The following KIFC3 variants were observed in gnomAD, a reference collection of about 807,000 sequenced individuals.
The protein encoded by KIFC3 is kinesin-like protein KIFC3.
A neutral mutation model predicts 101.8 loss-of-function variants in KIFC3; 60 were observed. That is an observed-to-expected ratio of 0.59 (90% CI 0.48 to 0.73). KIFC3 has a LOEUF of 0.73. Ranked by LOEUF, KIFC3 falls within the 30% of genes least tolerant of loss-of-function variation. The probability of loss-of-function intolerance (pLI) is 0.00; values close to 1 mark genes in which losing one functional copy is unlikely to be tolerated. For synonymous variants in KIFC3, 476 were observed against 482.7 expected (o/e 0.99, Z 0.18); for missense variants, 966 against 1,137.1 (o/e 0.85, Z 2.16).
chr16:57,802,114 C>A lies in KIFC3; in HGVS notation c.-40+256G>T, dbSNP rs1021356046. On this transcript the variant is annotated intron_variant, in intron 1 of 19. Coordinates refer to ENST00000445690, the MANE Select transcript of KIFC3 (RefSeq NM_001130100.2). The surrounding 1 kb of genome is among the most constrained non-coding windows in gnomAD (Gnocchi z 5.0). ...TCGTTCAATAAAATCCAAACGGGGT[C>A]CCGAGGCTGCTCGGATCCCGTGGGA... 6.6e-6 allele frequency among the ~76,000 whole-genome samples: 1 copy of A among 152,230 alleles called. No individual in the cohort carries two copies. The highest frequency in any genetic ancestry group is 1.5e-5 in the Non-Finnish European group (1 of 68,032).
intron 1 of KIFC3, among the ~76,000 whole-genome samples, chr16:57,862,404 T>C (rs1959349838): frequency 6.6e-6 from 1 of 152,108 alleles, no homozygotes; most frequent in Non-Finnish European, 1.5e-5. Flanking sequence ...CATTTAATAT[T>C]TTTGGACCTT....
In KIFC3 at chr16:57,794,803, G is replaced by A. The variant is rs577854793; in HGVS notation, c.315+196C>T. On this transcript the variant is annotated intron_variant, in intron 3 of 19. Transcript: ENST00000445690. ...GGGCATGGCTGAAAAGCTCCTGTCA[G>A]CTCCTATGAGATTTCCCGTCTGACT... Among the ~76,000 whole-genome samples, 8 of 152,292 alleles carry A rather than the reference G, an allele frequency of 5.3e-5. No homozygotes were observed. In the South Asian group the frequency reaches 1.2e-3, roughly 24 times the overall value.
upstream of KIFC3, chr16:57,803,373 C>T: frequency 1.7e-6 from 1 of 599,492 alleles, no homozygotes; most frequent in East Asian, 3.6e-5. Flanking sequence ...CAATATTCTC[C>T]CTCACTCTCC....
At chr16:57,854,299 C>T (rs1485568070) in intron 1 of KIFC3, among the ~76,000 whole-genome samples, 3 of 152,060 alleles carry the variant, frequency 2.0e-5, no homozygotes, top group African/African-American at 7.2e-5. Context: ...TAAAAGAAAA[C>T]CCACTTTATA....
chr16:57,777,664 T>C (rs2052265876), intron 3 of KIFC3, among the ~76,000 whole-genome samples: 2 of 151,574 alleles, frequency 1.3e-5, no homozygotes, highest in East Asian at 3.9e-4. Context: ...GAGGTCGCAG[T>C]GAGCTGAGAT....
chr16:57,761,711 A>G (rs1292509314), intron 13 of KIFC3, among the ~76,000 whole-genome samples, 175 bp from the exon 14 acceptor site: 2 of 151,538 alleles, frequency 1.3e-5, no homozygotes, highest in Admixed American at 6.6e-5. Context: ...AGACGTGGAG[A>G]TCTCACTCCA....
chr16:57,848,501 GC>G (rs1322783055), intron 1 of KIFC3, among the ~76,000 whole-genome samples: 1 of 152,188 alleles, frequency 6.6e-6, no homozygotes, highest in Admixed American at 6.5e-5. Context: ...TGTGGTGCAT[GC>G]CTGTAGTCCT....
intron 3 of KIFC3, among the ~76,000 whole-genome samples, chr16:57,784,308 T>A (rs1448597134): frequency 1.3e-5 from 2 of 151,980 alleles, no homozygotes; most frequent in African/African-American, 4.8e-5. Context: ...GCCCAGATAG[T>A]CAAGCTGTGG....
chr16:57,817,863 A>G (rs1555629168), intron 1 of KIFC3, among the ~76,000 whole-genome samples: 3 of 152,166 alleles, frequency 2.0e-5, no homozygotes, highest in Non-Finnish European at 4.4e-5. Flanking sequence ...AGAGAGGTTA[A>G]GCAACTTGCC....
intron 3 of KIFC3, among the ~76,000 whole-genome samples, chr16:57,792,522 C>T (rs985070176): frequency 1.3e-5 from 2 of 152,130 alleles, no homozygotes; most frequent in South Asian, 4.1e-4. Context: ...GAGCTCACTG[C>T]AATCAGAAAC....
At chr16:57,810,927 C>T (rs777602530) in intron 1 of KIFC3, 55 of 153,726 alleles carry the variant, frequency 3.6e-4, no homozygotes, top group Non-Finnish European at 6.3e-4. Context: ...CCCCAACCCA[C>T]GATGTGACCT....
chr16:57,768,344 C>G (rs2050723811), intron 9 of KIFC3, among the ~76,000 whole-genome samples: 2 of 151,924 alleles, frequency 1.3e-5, no homozygotes, highest in Admixed American at 1.3e-4. Context: ...GAAACACTGT[C>G]TCAAAAACAA....
intron 2 of KIFC3, among the ~76,000 whole-genome samples, chr16:57,797,547 G>A (rs1442262563): frequency 6.6e-6 from 1 of 152,228 alleles, no homozygotes; most frequent in East Asian, 1.9e-4. Flanking sequence ...CTGCTGTCAG[G>A]GTCTCTACAG....
At chr16:57,770,248 GCTTA>G (rs1555606715) in intron 7 of KIFC3, among the ~76,000 whole-genome samples, 1 of 152,270 alleles carries the variant, frequency 6.6e-6, no homozygotes, top group East Asian at 1.9e-4. Context: ...GCCATGTAGA[GCTTA>G]CTGAGCACAG....
At chr16:57,856,264 T>C (rs1464428958) in intron 1 of KIFC3, among the ~76,000 whole-genome samples, 1 of 152,126 alleles carries the variant, frequency 6.6e-6, no homozygotes, top group East Asian at 1.9e-4. Flanking sequence ...ATGAATTGCT[T>C]CAGCTCAGGA....
intron 1 of KIFC3, among the ~76,000 whole-genome samples, chr16:57,839,214 A>G (rs2055755251): frequency 6.6e-6 from 1 of 151,772 alleles, no homozygotes; most frequent in Non-Finnish European, 1.5e-5. Flanking sequence ...AAAAGAAACC[A>G]TATTTGGGGT....
chr16:57,763,997 A>AT, intron 12 of KIFC3, 146 bp downstream of exon 12: 1 of 654,608 alleles, frequency 1.5e-6, no homozygotes, highest in Non-Finnish European at 2.7e-6. Context: ...CCTCAGGGCT[A>AT]ACACAGATAA....
At chr16:57,844,943 C>G (rs1390590323) in intron 1 of KIFC3, among the ~76,000 whole-genome samples, 1 of 152,190 alleles carries the variant, frequency 6.6e-6, no homozygotes, top group African/African-American at 2.4e-5. Context: ...CCCAGGTCAC[C>G]AGCAAGGTTC....
At chr16:57,774,426 A>G (rs964762649) in intron 3 of KIFC3, among the ~76,000 whole-genome samples, 1 of 152,212 alleles carries the variant, frequency 6.6e-6, no homozygotes, top group Non-Finnish European at 1.5e-5. Flanking sequence ...TATTAAGTCC[A>G]AGAAACATCT....
Sources: gnomAD v4.1 joint callset for allele counts (sites outside exome capture counted in the v4.1 genomes callset) on GRCh38, gnomAD v4.1.1 for gene constraint, Gnocchi (gnomAD v3.1) non-coding constraint, MANE v1.5 for transcripts, NCBI Gene and HGNC (gene_info 2026-07-23, HGNC 2026-07-21) for gene names.